Variants in BTRC observed in about 807,000 individuals in gnomAD.
BTRC encodes the protein beta-transducin repeat containing E3 ubiquitin protein ligase, also known as F-box/WD repeat-containing protein 1A.
Under a neutral mutation model 85.5 loss-of-function variants are expected in BTRC, and 42 were observed. The observed-to-expected ratio is 0.49, with a 90% CI of 0.38 to 0.64. The LOEUF is 0.64. Ranked by LOEUF, BTRC falls within the 30% of genes least tolerant of loss-of-function variation. The probability of loss-of-function intolerance (pLI) is 0.00; values close to 1 mark genes in which losing one functional copy is unlikely to be tolerated. For synonymous variants in BTRC, 255 were observed against 263.3 expected, an observed-to-expected ratio of 0.97 and a Z score of 0.30; for missense variants, 594 against 743.5, an observed-to-expected ratio of 0.80 and a Z score of 2.34.
chr10:101,464,145 A>C (rs543423007), intron 3 of BTRC, among the ~76,000 whole-genome samples: 6 of 152,296 alleles, frequency 3.9e-5, no homozygotes, highest in African/African-American at 1.4e-4. Context: ...ACACAACAAA[A>C]GTTTTGGCAA....
At position 101,507,204 on chromosome 10, in the gene BTRC, A is replaced by G. The variant is rs182754462; in HGVS notation, c.325-14435A>G. 2.0e-3 allele frequency among the ~76,000 whole-genome samples: 305 copies of G among 152,312 alleles called. 1 individual carries two copies. Among genetic ancestry groups the G allele is most frequent in the African/African-American group, 6.8e-3 (281 of 41,562 alleles). On this transcript the variant is annotated intron_variant, in intron 4 of 14. Transcript: ENST00000370187. ...AGCAAAGTTTTAACAGTACGTAGAAAGTTAACTGCCTGGAGTCTTTTAAAT... is the reference window on the plus strand; with the variant it reads ...AGCAAAGTTTTAACAGTACGTAGAAGGTTAACTGCCTGGAGTCTTTTAAAT...
chr10:101,373,857 G>T (rs568276251), intron 1 of BTRC, among the ~76,000 whole-genome samples: 62 of 151,766 alleles, frequency 4.1e-4, no homozygotes, highest in African/African-American at 1.5e-3. Context: ...GGTGGAGTTT[G>T]CAATGAGCCG....
Position 101,383,190 on chromosome 10 carries a change from A to T in BTRC, c.48+28962A>T, listed in dbSNP as rs533235749. 1.5e-3 allele frequency among the ~76,000 whole-genome samples: 224 copies of T among 149,780 alleles called. 1 individual carries two copies. Among genetic ancestry groups the T allele is most frequent in the Non-Finnish European group, 2.6e-3 (175 of 67,766 alleles). On this transcript the variant is annotated intron_variant, in intron 1 of 14. Coordinates refer to ENST00000370187, the MANE Select transcript of BTRC (RefSeq NM_033637.4). ...GTGATCCTCCCACCTCAGCCTCCTT[A>T]GTAGCTGGGACTACAGGCGTGCACC...
intron 4 of BTRC, among the ~76,000 whole-genome samples, chr10:101,511,709 A>G (rs1271290507): frequency 6.6e-6 from 1 of 152,110 alleles, no homozygotes; most frequent in Non-Finnish European, 1.5e-5. Flanking sequence ...TTTAATAGAG[A>G]CAGGATTTCG....
At chr10:101,428,311 C>G (rs2134074374) in intron 1 of BTRC, among the ~76,000 whole-genome samples, 3 of 152,252 alleles carry the variant, frequency 2.0e-5, no homozygotes, top group Middle Eastern at 6.8e-3. Flanking sequence ...TGACAGAGTG[C>G]TTGGATTTCA....
chr10:101,528,609 T>G (rs2062235217), intron 6 of BTRC, among the ~76,000 whole-genome samples: 1 of 152,216 alleles, frequency 6.6e-6, no homozygotes, highest in Non-Finnish European at 1.5e-5. Context: ...ATACATCCCG[T>G]GTCAACTTCC....
intron 4 of BTRC, among the ~76,000 whole-genome samples, chr10:101,508,913 T>TGAAAAAAAAAAAAA (rs1946612338): frequency 9.8e-6 from 1 of 101,952 alleles, no homozygotes; most frequent in Non-Finnish European, 2.0e-5. Context: ...GACTCCATCT[T>TGAAAAAAAAAAAAA]AAAAAAAAAA....
chr10:101,366,893 T>C (rs1438065754), intron 1 of BTRC, among the ~76,000 whole-genome samples: 1 of 42,734 alleles, frequency 2.3e-5, no homozygotes, highest in African/African-American at 7.8e-5. Context: ...TATATTTATA[T>C]ATATTTATAT....
chr10:101,436,120 A>G (rs536475522), intron 2 of BTRC, among the ~76,000 whole-genome samples: 1 of 152,274 alleles, frequency 6.6e-6, no homozygotes, highest in South Asian at 2.1e-4. Flanking sequence ...TCATCATTCC[A>G]TTGATTTATC....
chr10:101,420,680 G>A (rs1037307093), intron 1 of BTRC, among the ~76,000 whole-genome samples: 22 of 151,802 alleles, frequency 1.4e-4, no homozygotes. Context: ...GAAACTCTGT[G>A]CCCTGTCCTT....
intron 1 of BTRC, among the ~76,000 whole-genome samples, chr10:101,356,289 G>A (rs1231150118): frequency 6.6e-6 from 1 of 152,104 alleles, no homozygotes; most frequent in Non-Finnish European, 1.5e-5. Context: ...GTGAGCCACA[G>A]CGCCCAGCAG....
At chr10:101,474,114 G>A (rs969708426) in intron 3 of BTRC, among the ~76,000 whole-genome samples, 2 of 151,878 alleles carry the variant, frequency 1.3e-5, no homozygotes, top group African/African-American at 4.8e-5. Flanking sequence ...TTGGTTTTTG[G>A]TTCATTTTTC....
intron 1 of BTRC, among the ~76,000 whole-genome samples, chr10:101,355,806 T>C (rs1942017580): frequency 6.6e-6 from 1 of 152,176 alleles, no homozygotes; most frequent in Non-Finnish European, 1.5e-5. Flanking sequence ...TGCATTAGTG[T>C]TTTCGAAAAC....
At position 101,536,579 on chromosome 10, in the gene BTRC, G is replaced by A. The variant is rs1564834138; in HGVS notation, c.1503G>A (p.Val501=). The A allele has an allele frequency of 6.2e-7, 1 of 1,613,910 alleles. No homozygotes were observed. Residue 501 remains valine (V), a synonymous_variant, in exon 12 of 15, where the codon GTG becomes GTA. Transcript: ENST00000370187. ...WDIECGACLR[V]LEGHEELVRC... Reference sequence around the variant, plus strand: ...TAGAATGTGGTGCATGTTTACGAGTGTTAGAAGGCCATGAGGAATTGGTGC... The same window carrying A: ...TAGAATGTGGTGCATGTTTACGAGTATTAGAAGGCCATGAGGAATTGGTGC...
At chr10:101,389,117 G>GTTTTTTT (rs1169198314) in intron 1 of BTRC, among the ~76,000 whole-genome samples, 29 of 53,032 alleles carry the variant, frequency 5.5e-4, no homozygotes, top group African/African-American at 1.2e-3. Flanking sequence ...TTTTTTGTGT[G>GTTTTTTT]TGTTTTTTTT....
At chr10:101,479,334 T>A in intron 3 of BTRC, 34 bp from the exon 4 acceptor site, 1 of 1,542,758 alleles carries the variant, frequency 6.5e-7, no homozygotes, top group Non-Finnish European at 8.9e-7. Flanking sequence ...TTTCAATATT[T>A]TAAAAACCTG....
At chr10:101,483,200 A>G (rs1245444103) in intron 4 of BTRC, among the ~76,000 whole-genome samples, 3 of 152,242 alleles carry the variant, frequency 2.0e-5, no homozygotes, top group African/African-American at 7.2e-5. Context: ...AGTCCTCTGT[A>G]GAATACAAGA....
At chr10:101,422,041 T>C (rs369979857) in intron 1 of BTRC, among the ~76,000 whole-genome samples, 11 of 152,104 alleles carry the variant, frequency 7.2e-5, no homozygotes, top group Admixed American at 2.6e-4. Context: ...CCTGAGGAAT[T>C]GCCACACTGT....
intron 1 of BTRC, among the ~76,000 whole-genome samples, chr10:101,382,752 A>G (rs1298094583): frequency 2.6e-5 from 4 of 152,186 alleles, no homozygotes; most frequent in Non-Finnish European, 5.9e-5. Context: ...CTTCTGTGGT[A>G]GTTGTAAAAT....
Sources: gnomAD v4.1 joint callset for allele counts (sites outside exome capture counted in the v4.1 genomes callset) on GRCh38, gnomAD v4.1.1 for gene constraint, MANE v1.5 for transcripts, NCBI Gene and HGNC (gene_info 2026-07-23, HGNC 2026-07-21) for gene names.